The following CNTNAP2 variants were observed in gnomAD, a reference collection of about 807,000 sequenced individuals.
CNTNAP2 encodes contactin associated protein 2.
In CNTNAP2, 98 loss-of-function variants were observed where a neutral mutation model predicts 155.2. That is an observed-to-expected ratio of 0.63 (90% CI 0.54 to 0.75). CNTNAP2 has a LOEUF of 0.75. CNTNAP2 is among the 30% of genes least tolerant of loss of function. CNTNAP2 has a pLI of 0.00. For missense variants in CNTNAP2, 1,727 were observed against 1,688.1 expected, an observed-to-expected ratio of 1.02 and a Z score of -0.40; for synonymous variants, 651 against 631.2, an observed-to-expected ratio of 1.03 and a Z score of -0.47.
At chr7:147,836,905 T>C (rs534126802) in intron 13 of CNTNAP2, among the ~76,000 whole-genome samples, 1 of 152,324 alleles carries the variant, frequency 6.6e-6, no homozygotes, top group Admixed American at 6.5e-5. Flanking sequence ...ATTTTAGTAA[T>C]GTCTTAATTT....
chr7:147,175,319 A>G (rs1033118650), intron 8 of CNTNAP2, among the ~76,000 whole-genome samples: 1 of 151,990 alleles, frequency 6.6e-6, no homozygotes, highest in Non-Finnish European at 1.5e-5. Flanking sequence ...CATTTAAACC[A>G]TTCAGCAGTT....
At chr7:148,253,073 A>ATAGATAGATAGATAGATAGATAGT (rs1169388154) in intron 20 of CNTNAP2, among the ~76,000 whole-genome samples, 55 of 152,158 alleles carry the variant, frequency 3.6e-4, no homozygotes, top group African/African-American at 1.3e-3. Flanking sequence ...AGATAGATAG[A>ATAGATAGATAGATAGATAGATAGT]TATTGATTGA....
At chr7:148,132,994 A>T (rs1804864611) in intron 16 of CNTNAP2, among the ~76,000 whole-genome samples, 2 of 152,218 alleles carry the variant, frequency 1.3e-5, no homozygotes, top group Non-Finnish European at 2.9e-5. Flanking sequence ...CACCACAATT[A>T]TCCCTTCATC....
intron 3 of CNTNAP2, among the ~76,000 whole-genome samples, chr7:146,901,947 C>T (rs1039959763): frequency 3.5e-5 from 5 of 142,604 alleles, no homozygotes; most frequent in South Asian, 2.3e-4. Flanking sequence ...GCGATCTCGG[C>T]TCACTGCAAG....
At chr7:147,390,031 G>T (rs1038269032) in intron 9 of CNTNAP2, among the ~76,000 whole-genome samples, 1 of 151,988 alleles carries the variant, frequency 6.6e-6, no homozygotes, top group Non-Finnish European at 1.5e-5. Flanking sequence ...AGTCACTGAA[G>T]GTATCACAAA....
intron 1 of CNTNAP2, among the ~76,000 whole-genome samples, chr7:146,215,560 G>A (rs1286325542): frequency 3.3e-5 from 5 of 151,686 alleles, no homozygotes; most frequent in African/African-American, 1.2e-4. Flanking sequence ...CCAAGAAAGA[G>A]GGTTCGCCTT....
intron 2 of CNTNAP2, among the ~76,000 whole-genome samples, chr7:146,825,948 A>G (rs547668849): frequency 3.9e-5 from 6 of 152,268 alleles, no homozygotes; most frequent in African/African-American, 1.4e-4. Flanking sequence ...ATCTATTTGT[A>G]TATACCATTG....
chr7:147,485,735 G>T (rs1275682800), intron 10 of CNTNAP2, among the ~76,000 whole-genome samples, 200 bp from the exon 11 acceptor site: 1 of 152,134 alleles, frequency 6.6e-6, no homozygotes, highest in African/African-American at 2.4e-5. Context: ...GGAAGCTCCA[G>T]GTCGGTGATA....
intron 1 of CNTNAP2, among the ~76,000 whole-genome samples, chr7:146,517,274 A>G (rs558781773): frequency 7.2e-5 from 11 of 152,086 alleles, no homozygotes; most frequent in South Asian, 4.1e-4. Context: ...CTTGGTATGT[A>G]TCCCCCACAG....
At chr7:147,151,950 T>C (rs1175243418) in intron 8 of CNTNAP2, among the ~76,000 whole-genome samples, 2 of 152,162 alleles carry the variant, frequency 1.3e-5, no homozygotes, top group Admixed American at 1.3e-4. Context: ...TAAGATTGGA[T>C]GTACTTTTGC....
At chr7:147,564,135 A>C in intron 12 of CNTNAP2, among the ~76,000 whole-genome samples, 1 of 152,020 alleles carries the variant, frequency 6.6e-6, no homozygotes, top group East Asian at 1.9e-4. Context: ...ACACTACTGC[A>C]CTCCAGTCTA....
intron 1 of CNTNAP2, among the ~76,000 whole-genome samples, chr7:146,515,044 T>A (rs997184855): frequency 1.3e-5 from 2 of 152,090 alleles, no homozygotes; most frequent in Non-Finnish European, 2.9e-5. Flanking sequence ...AAAGGCTGTC[T>A]ATGGGTTCAT....
chr7:146,789,337 T>C (rs552274117), intron 2 of CNTNAP2, among the ~76,000 whole-genome samples: 3 of 152,272 alleles, frequency 2.0e-5, no homozygotes, highest in South Asian at 4.1e-4. Flanking sequence ...CACTGGTGTT[T>C]TAGAACACAA....
At chr7:146,984,871 C>G (rs1425218723) in intron 3 of CNTNAP2, among the ~76,000 whole-genome samples, 2 of 152,168 alleles carry the variant, frequency 1.3e-5, no homozygotes, top group Non-Finnish European at 2.9e-5. Flanking sequence ...AAACATAATG[C>G]TGTTGAAATT....
chr7:147,374,158 T>C (rs1796395593), intron 9 of CNTNAP2, among the ~76,000 whole-genome samples: 1 of 152,088 alleles, frequency 6.6e-6, no homozygotes, highest in Admixed American at 6.6e-5. Flanking sequence ...AAATTTTACT[T>C]TTATTTTTTT....
chr7:147,292,197 T>C (rs1235020756), intron 8 of CNTNAP2, among the ~76,000 whole-genome samples: 3 of 152,182 alleles, frequency 2.0e-5, no homozygotes, highest in Non-Finnish European at 4.4e-5. Context: ...CTTTCAGAAC[T>C]ATTTTTTTGT....
rs546414756 is a variant in CNTNAP2 at position 147,340,267 on chromosome 7, C to T, written c.1498+39977C>T. ...TGCTCACTGGTCCCCTCACATGCAA[C>T]AAGGTTGTTCTCTTAATGTATGCTA... On this transcript the variant is annotated intron_variant, in intron 9 of 23. Coordinates refer to ENST00000361727, the MANE Select transcript of CNTNAP2 (RefSeq NM_014141.6). Among the ~76,000 whole-genome samples, 5 of 152,238 alleles carry T rather than the reference C, an allele frequency of 3.3e-5. No individual in the cohort carries two copies. The East Asian group carries it at 5.8e-4, about 18-fold the overall frequency.
intron 15 of CNTNAP2, among the ~76,000 whole-genome samples, chr7:148,014,661 T>C (rs1226291788): frequency 1.3e-5 from 2 of 152,226 alleles, no homozygotes; most frequent in Non-Finnish European, 2.9e-5. Context: ...CCCTTGTTGA[T>C]ATAAAGAGCT....
At chr7:147,096,633 A>G (rs1800541799) in intron 4 of CNTNAP2, among the ~76,000 whole-genome samples, 1 of 152,272 alleles carries the variant, frequency 6.6e-6, no homozygotes. Context: ...TTCTCTGAGC[A>G]TTGAAGTTGT....
Sources: gnomAD v4.1 joint callset for allele counts (sites outside exome capture counted in the v4.1 genomes callset) on GRCh38, gnomAD v4.1.1 for gene constraint, MANE v1.5 for transcripts, NCBI Gene and HGNC (gene_info 2026-07-23, HGNC 2026-07-21) for gene names.